Variants in HSF5 observed in about 807,000 individuals in gnomAD.
HSF5 encodes the protein heat shock factor protein 5.
Under a neutral mutation model 50.8 loss-of-function variants are expected in HSF5, and 5 were observed. The observed-to-expected ratio is 0.10, with a 90% CI of 0.05 to 0.21. The LOEUF is 0.21. HSF5 is among the 10% of genes least tolerant of loss of function. The pLI is 1.00. For synonymous variants in HSF5, 307 were observed against 307.4 expected (o/e 1.00, Z 0.02); for missense variants, 564 against 762.6 (o/e 0.74, Z 3.07).
rs1280411314 is a variant in HSF5, at chr17:58,420,578, A to G, written c.*1782T>C. 1 of 152,202 alleles carries G rather than the reference A, an allele frequency of 6.6e-6. No homozygotes were observed. Among genetic ancestry groups the G allele is most frequent in the African/African-American group, 2.4e-5 (1 of 41,440 alleles). The allele number at this position is 152,202 out of a possible 1,614,324, so 9.4% of individuals were successfully genotyped here. ...AAGCCATATTTAGGGGAAAATCTAC[A>G]CAGTATATTAGCTCTTCAACATGAC... On this transcript the variant is annotated 3_prime_UTR_variant, in exon 6 of 6. Transcript: ENST00000323777.
chr17:58,428,597 T>C (rs1179439646), intron 5 of HSF5, among the ~76,000 whole-genome samples: 1 of 150,954 alleles, frequency 6.6e-6, no homozygotes, highest in Non-Finnish European at 1.5e-5. Flanking sequence ...AGGCGGAGCT[T>C]GCAGTGAGCC....
intron 1 of HSF5, among the ~76,000 whole-genome samples, chr17:58,486,902 C>CTTT (rs11351236): frequency 4.6e-4 from 37 of 79,896 alleles, no homozygotes; most frequent in African/African-American, 5.2e-4. Flanking sequence ...TAAGTTCTCT[C>CTTT]TTTTTTTTTT....
intron 5 of HSF5, among the ~76,000 whole-genome samples, chr17:58,444,546 A>C (rs370769424): frequency 1.3e-5 from 2 of 152,218 alleles, no homozygotes; most frequent in East Asian, 3.8e-4. Flanking sequence ...CGCTTACACC[A>C]TATATGAAAA....
intron 1 of HSF5, among the ~76,000 whole-genome samples, chr17:58,483,476 C>A (rs1975128239): frequency 6.6e-6 from 1 of 152,114 alleles, no homozygotes; most frequent in Non-Finnish European, 1.5e-5. Context: ...TTCAAAATAT[C>A]TTTAAGATAT....
chr17:58,481,341 G>A (rs1975095692), intron 1 of HSF5, among the ~76,000 whole-genome samples: 2 of 152,018 alleles, frequency 1.3e-5, no homozygotes, highest in Non-Finnish European at 2.9e-5. Flanking sequence ...CTCTTTATTA[G>A]CAATGTAAAA....
chr17:58,481,793 A>G (rs1195768600), intron 1 of HSF5, among the ~76,000 whole-genome samples: 1 of 152,238 alleles, frequency 6.6e-6, no homozygotes, highest in Non-Finnish European at 1.5e-5. Context: ...TGAGTCCAAG[A>G]GTTCAAGATC....
chr17:58,440,893 A>T (rs1048979237), intron 5 of HSF5, among the ~76,000 whole-genome samples: 2 of 152,210 alleles, frequency 1.3e-5, no homozygotes, highest in African/African-American at 2.4e-5. Context: ...TGAAGGTAGA[A>T]GAAATAACTC....
At chr17:58,482,352 C>T (rs1052012382) in intron 1 of HSF5, among the ~76,000 whole-genome samples, 9 of 152,092 alleles carry the variant, frequency 5.9e-5, no homozygotes, top group Non-Finnish European at 1.3e-4. Context: ...AATCCCAGCA[C>T]TTTGCGAGGC....
chr17:58,471,879 G>A lies in HSF5; in HGVS notation c.926-4900C>T, dbSNP rs139327618. 5.8e-3 allele frequency among the ~76,000 whole-genome samples: 884 copies of A among 152,046 alleles called. 5 individuals are homozygous for A. Among genetic ancestry groups the A allele is most frequent in the African/African-American group, 9.4e-3 (388 of 41,494 alleles). On this transcript the variant is annotated intron_variant, in intron 2 of 5. Transcript: ENST00000323777. Reference sequence around the variant, plus strand: ...AGGCTTATTTACTTTTTTGAGACAGGGTCTTGATCTGTTGCCGAGGCGGGA... The same window carrying A: ...AGGCTTATTTACTTTTTTGAGACAGAGTCTTGATCTGTTGCCGAGGCGGGA...
In HSF5 at chr17:58,420,274, T is replaced by C. The variant is rs1230140334; in HGVS notation, c.*2086A>G. On this transcript the variant is annotated 3_prime_UTR_variant, in exon 6 of 6. Transcript: ENST00000323777. ...GAACCTTGTTAGTTGACTAGTTGTG[T>C]CAGACCCTACTGGCTAATTCACAGG... 1 of 152,210 alleles carries C rather than the reference T, an allele frequency of 6.6e-6. No individual in the cohort carries two copies. The highest frequency in any genetic ancestry group is 1.5e-5 in the Non-Finnish European group (1 of 68,040). The allele number at this position is 152,210 out of a possible 1,614,324, so 9.4% of individuals were successfully genotyped here.
At chr17:58,431,547 G>A (rs183171956) in intron 5 of HSF5, among the ~76,000 whole-genome samples, 3 of 152,154 alleles carry the variant, frequency 2.0e-5, no homozygotes, top group Admixed American at 1.3e-4. Context: ...TCATTATGCC[G>A]TGCATGACCA....
chr17:58,474,112 A>G (rs1260996386), intron 2 of HSF5, among the ~76,000 whole-genome samples: 1 of 152,154 alleles, frequency 6.6e-6, no homozygotes, highest in Non-Finnish European at 1.5e-5. Context: ...ATGATACTCT[A>G]TTTAATTTTG....
At chr17:58,460,610 T>C (rs965787885) in intron 4 of HSF5, among the ~76,000 whole-genome samples, 9 of 151,160 alleles carry the variant, frequency 6.0e-5, no homozygotes, top group African/African-American at 2.2e-4. Flanking sequence ...CCTGGGTTCA[T>C]GCCATTCTCC....
At chr17:58,448,179 A>C (rs1263374113) in intron 5 of HSF5, among the ~76,000 whole-genome samples, 2 of 151,424 alleles carry the variant, frequency 1.3e-5, no homozygotes, top group Non-Finnish European at 2.9e-5. Context: ...AAAAGAAAAA[A>C]GGAAATAGTC....
At position 58,420,328 on chromosome 17, in the gene HSF5, G is replaced by C. The variant is rs1974213052; in HGVS notation, c.*2032C>G. The C allele has an allele frequency of 6.6e-6, 1 of 152,162 alleles. No individual in the cohort carries two copies. Among genetic ancestry groups the C allele is most frequent in the African/African-American group, 2.4e-5 (1 of 41,442 alleles). 9.4% of individuals were successfully genotyped at this position (152,162 alleles called of 1,614,324 possible). On this transcript the variant is annotated 3_prime_UTR_variant, in exon 6 of 6. Transcript: ENST00000323777. ...ACTTTATTATACCTCTTGCCATTTT[G>C]CCCAAGTCATTAATGACAGCTTTAG...
At chr17:58,468,700 C>T (rs1289496689) in intron 2 of HSF5, among the ~76,000 whole-genome samples, 1 of 152,096 alleles carries the variant, frequency 6.6e-6, no homozygotes, top group Non-Finnish European at 1.5e-5. Flanking sequence ...TGAAGATATA[C>T]TAGAAATAAA....
At chr17:58,455,325 C>T (rs1418842485) in intron 5 of HSF5, among the ~76,000 whole-genome samples, 1 of 152,092 alleles carries the variant, frequency 6.6e-6, no homozygotes, top group Admixed American at 6.5e-5. Context: ...TAAAAATCAA[C>T]TCTAAATTGA....
At chr17:58,446,372 C>A (rs1350933631) in intron 5 of HSF5, among the ~76,000 whole-genome samples, 1 of 152,114 alleles carries the variant, frequency 6.6e-6, no homozygotes, top group Admixed American at 6.5e-5. Flanking sequence ...CACCCTACCC[C>A]CAACCCCACG....
chr17:58,466,982 G>T lies in HSF5; in HGVS notation c.926-3C>A. On this transcript the variant is annotated splice_polypyrimidine_tract_variant and splice_region_variant and intron_variant, in intron 2 of 5. Coordinates refer to ENST00000323777, the MANE Select transcript of HSF5 (RefSeq NM_001080439.3). ...AGGAGAACAGCACTGTAGCACAGCT[G>T]GAACAAATTCAAACACAGAAAAGCC... 1 of 1,596,450 alleles carries T rather than the reference G, an allele frequency of 6.3e-7. No homozygotes were observed. The highest frequency in any genetic ancestry group is 8.6e-7 in the Non-Finnish European group (1 of 1,164,436).
Sources: allele counts gnomAD v4.1 joint callset (sites outside exome capture counted in the v4.1 genomes callset), GRCh38; gene constraint gnomAD v4.1.1; transcripts MANE v1.5; gene names NCBI Gene and HGNC (gene_info 2026-07-23, HGNC 2026-07-21).